Variants in RAMP2 observed in about 807,000 individuals in gnomAD.
RAMP2 encodes receptor activity modifying protein 2, also known as receptor activity-modifying protein 2.
RAMP2 carries 11 observed loss-of-function variants against 18.2 expected under a neutral mutation model. That is an observed-to-expected ratio of 0.60 (90% CI 0.38 to 1.00). The LOEUF (loss-of-function observed/expected upper bound fraction) is 1.00, where lower values mean the gene tolerates loss of function less well. Ranked by LOEUF, RAMP2 falls within the 50% of genes least tolerant of loss-of-function variation. The pLI is 0.01. For missense variants in RAMP2, 191 were observed against 226.5 expected, an observed-to-expected ratio of 0.84 and a Z score of 1.01; for synonymous variants, 86 against 90.8, an observed-to-expected ratio of 0.95 and a Z score of 0.30.
In RAMP2 at chr17:42,762,198, AG is replaced by A. The variant is rs1376984696; in HGVS notation, c.164-156del. ...CATGGAAGTCATTATAGGATTCCTG[AG>A]CTGGGACTCTGTCCTCAGCCAGAAT... is the stretch of plus-strand genomic sequence containing the variant. On this transcript the variant is annotated intron_variant, in intron 2 of 3. Transcript: ENST00000253796. 8.0e-6 allele frequency: 9 copies of A among 1,128,032 alleles called. 1 individual carries two copies. Among genetic ancestry groups the A allele is most frequent in the South Asian group, 2.9e-5 (2 of 70,004 alleles). 69.9% of individuals were successfully genotyped at this position (1,128,032 alleles called of 1,614,324 possible). A position where few individuals can be genotyped will look rare whatever the true frequency, so the allele number is the denominator to read the frequency against.
chr17:42,761,953 A>G lies in RAMP2; in HGVS notation c.163+54A>G, dbSNP rs2054368070. 9 of 1,474,944 alleles carry G rather than the reference A, an allele frequency of 6.1e-6. No homozygotes were observed. The highest frequency in any genetic ancestry group is 5.6e-5 in the African/African-American group (4 of 71,392). 91.4% of individuals were successfully genotyped at this position (1,474,944 alleles called of 1,614,324 possible). A position where few individuals can be genotyped will look rare whatever the true frequency, so the allele number is the denominator to read the frequency against. On this transcript the variant is annotated intron_variant, in intron 2 of 3. Coordinates refer to ENST00000253796, the MANE Select transcript of RAMP2 (RefSeq NM_005854.3). The surrounding 1 kb of genome is among the most constrained non-coding windows in gnomAD (Gnocchi z 4.2). ...CGAGGGTAAGGACGAGAGCAAGTTC[A>G]GTGGGGAGGGTTCCTTTCCCACGAG...
rs2054374225 is a variant in RAMP2, at chr17:42,762,820, T to C, written c.496T>C (p.Trp166Arg). The change falls in exon 4 of 4, where the codon TGG (tryptophan) becomes CGG (arginine). Residue 166 changes from tryptophan to arginine, a missense_variant. Trp to Arg is a moderately radical substitution (Grantham distance 101). Coordinates refer to ENST00000253796, the MANE Select transcript of RAMP2 (RefSeq NM_005854.3). Reference protein sequence around the residue: ...LIPFLITLVVWRSKDSEAQA With the variant: ...LIPFLITLVVRRSKDSEAQA ...CCCCTTCCTCATCACTCTTGTAGTA[T>C]GGAGGAGTAAAGACAGTGAGGCCCA... 1.2e-6 allele frequency: 2 copies of C among 1,612,008 alleles called. No homozygotes were observed. The highest frequency in any genetic ancestry group is 1.7e-6 in the Non-Finnish European group (2 of 1,178,624).
Position 42,762,947 on chromosome 17 carries a change from C to G in RAMP2, c.*95C>G. 7.5e-7 allele frequency: 1 copy of G among 1,337,786 alleles called. No individual in the cohort carries two copies. The highest frequency in any genetic ancestry group is 1.0e-6 in the Non-Finnish European group (1 of 985,918). 82.9% of individuals were successfully genotyped at this position (1,337,786 alleles called of 1,614,324 possible). ...CCTACTCCCTTTTCTCACTCTCATC[C>G]CCACCACAGATCCCTGGATTGCTGG... On this transcript the variant is annotated 3_prime_UTR_variant, in exon 4 of 4. Transcript: ENST00000253796.
Position 42,761,499 on chromosome 17 carries a change from C to T in RAMP2, c.97+141C>T. On this transcript the variant is annotated intron_variant, in intron 1 of 3. Coordinates refer to ENST00000253796, the MANE Select transcript of RAMP2 (RefSeq NM_005854.3). This position sits in a 1 kb window ranked among gnomAD's most constrained non-coding sequence, Gnocchi z 4.2. The stretch of plus-strand genomic sequence containing the variant: ...GGACCGACGTACCTAGCAGCACTGG[C>T]CCTCGGACGGTCCCTGACCCCACCT... The T allele has an allele frequency of 1.3e-6, 1 of 746,198 alleles. No homozygotes were observed. The highest frequency in any genetic ancestry group is 2.0e-6 in the Non-Finnish European group (1 of 493,332). The allele number at this position is 746,198 out of a possible 1,614,324, so 46.2% of individuals were successfully genotyped here.
intron 2 of RAMP2, 33 bp from the exon 3 acceptor site, chr17:42,762,322 G>A (rs1216251180): frequency 1.2e-6 from 2 of 1,613,832 alleles, no homozygotes; most frequent in East Asian, 2.2e-5. Flanking sequence ...GAGGGGTAGG[G>A]GTGTGGTCAT....
At chr17:42,762,247 A>G in intron 2 of RAMP2, 108 bp from the exon 3 acceptor site, 1 of 1,539,772 alleles carries the variant, frequency 6.5e-7, no homozygotes, top group Non-Finnish European at 8.9e-7. Context: ...AAACTTTCTG[A>G]AGGGTTCCCA....
rs751961997 is a variant in RAMP2 at position 42,762,865 on chromosome 17, T to C, written c.*13T>C. On this transcript the variant is annotated 3_prime_UTR_variant, in exon 4 of 4. Coordinates refer to ENST00000253796, the MANE Select transcript of RAMP2 (RefSeq NM_005854.3). ...GGCCCAGGCCTAGGGGGCCACGAGC[T>C]TCTCAACAACCATGTTACTCCACTT... is the stretch of plus-strand genomic sequence containing the variant. The C allele has an allele frequency of 1.9e-5, 30 of 1,569,986 alleles. 1 individual carries two copies. Among genetic ancestry groups the C allele is most frequent in the South Asian group, 1.5e-4 (13 of 85,438 alleles).
In RAMP2 at chr17:42,762,859, A is replaced by T. The variant is rs759612918; in HGVS notation, c.*7A>T. ...CAGTGAGGCCCAGGCCTAGGGGGCCACGAGCTTCTCAACAACCATGTTACT... is the reference window on the plus strand; with the variant it reads ...CAGTGAGGCCCAGGCCTAGGGGGCCTCGAGCTTCTCAACAACCATGTTACT... On this transcript the variant is annotated 3_prime_UTR_variant, in exon 4 of 4. Coordinates refer to ENST00000253796, the MANE Select transcript of RAMP2 (RefSeq NM_005854.3). The T allele has an allele frequency of 6.3e-7, 1 of 1,575,124 alleles. No individual in the cohort carries two copies. Among genetic ancestry groups the T allele is most frequent in the Non-Finnish European group, 8.7e-7 (1 of 1,154,986 alleles).
Position 42,762,783 on chromosome 17 carries a change from C to CA in RAMP2, c.460dup (p.Ile154AsnfsTer16). 1 of 1,613,962 alleles carries CA rather than the reference C, an allele frequency of 6.2e-7. No homozygotes were observed. Among genetic ancestry groups the CA allele is most frequent in the Non-Finnish European group, 8.5e-7 (1 of 1,179,924 alleles). Reference sequence around the variant, plus strand: ...TACTCCTGGCCATGATCATAGCCCCCATCTGCCTCATCCCCTTCCTCATCA... The same window carrying CA: ...TACTCCTGGCCATGATCATAGCCCCCAATCTGCCTCATCCCCTTCCTCATCA... On this transcript the variant is annotated frameshift_variant, in exon 4 of 4. Transcript: ENST00000253796. LOFTEE classifies it high-confidence loss of function.
chr17:42,761,797 C>T lies in RAMP2; in HGVS notation c.98-37C>T, dbSNP rs1316221558. On this transcript the variant is annotated intron_variant, in intron 1 of 3. Transcript: ENST00000253796. This position sits in a 1 kb window ranked among gnomAD's most constrained non-coding sequence, Gnocchi z 4.2. Reference sequence around the variant, plus strand: ...CTCGCAGGCTCCACTGCCGGGGTCCCCGCTATGTTACCCTCCTCTCCCGTT... The same window carrying T: ...CTCGCAGGCTCCACTGCCGGGGTCCTCGCTATGTTACCCTCCTCTCCCGTT... 1 of 1,531,532 alleles carries T rather than the reference C, an allele frequency of 6.5e-7. No individual in the cohort carries two copies. Among genetic ancestry groups the T allele is most frequent in the South Asian group, 1.1e-5 (1 of 89,192 alleles). The allele number at this position is 1,531,532 out of a possible 1,614,324, so 94.9% of individuals were successfully genotyped here.
At chr17:42,762,315 G>A (rs1342567945) in intron 2 of RAMP2, 40 bp from the exon 3 acceptor site, 3 of 1,613,618 alleles carry the variant, frequency 1.9e-6, no homozygotes, top group Non-Finnish European at 2.5e-6. Context: ...TTGTAGGGAG[G>A]GGTAGGGGTG....
At position 42,762,982 on chromosome 17, in the gene RAMP2, C is replaced by A; in HGVS notation, c.*130C>A. On this transcript the variant is annotated 3_prime_UTR_variant, in exon 4 of 4. Transcript: ENST00000253796. ...ATCCCTGGATTGCTGGGAATGGAAG[C>A]CAGGTGGGGTCATGGCACAAGTTCT... 1 of 1,111,928 alleles carries A rather than the reference C, an allele frequency of 9.0e-7. No homozygotes were observed. The highest frequency in any genetic ancestry group is 1.9e-5 in the South Asian group (1 of 53,276). 68.9% of individuals were successfully genotyped at this position (1,111,928 alleles called of 1,614,324 possible). A position where few individuals can be genotyped will look rare whatever the true frequency, so the allele number is the denominator to read the frequency against.
intron 3 of RAMP2, 43 bp from the exon 4 acceptor site, chr17:42,762,554 T>A (rs771763881): frequency 6.2e-7 from 1 of 1,603,466 alleles, no homozygotes; most frequent in Non-Finnish European, 8.5e-7. Context: ...CTCTTCTCCC[T>A]GGGTCCACCC....
Position 42,762,809 on chromosome 17 carries a change from C to T in RAMP2, c.485C>T (p.Thr162Ile). The change falls in exon 4 of 4, where the codon ACT becomes ATT. Residue 162 changes from threonine (T) to isoleucine (I), a missense_variant. Transcript: ENST00000253796. ...APICLIPFLI[T>I]LVVWRSKDSE... ...ATCTGCCTCATCCCCTTCCTCATCA[C>T]TCTTGTAGTATGGAGGAGTAAAGAC... 1.9e-6 allele frequency: 3 copies of T among 1,613,258 alleles called. No individual in the cohort carries two copies. Among genetic ancestry groups the T allele is most frequent in the East Asian group, 4.5e-5 (2 of 44,862 alleles).
Position 42,761,959 on chromosome 17 carries a change from G to A in RAMP2, c.163+60G>A, listed in dbSNP as rs970124334. 4 of 1,452,828 alleles carry A rather than the reference G, an allele frequency of 2.8e-6. No individual in the cohort carries two copies. Among genetic ancestry groups the A allele is most frequent in the African/African-American group, 2.8e-5 (2 of 70,898 alleles). The allele number at this position is 1,452,828 out of a possible 1,614,324, so 90.0% of individuals were successfully genotyped here. ...TAAGGACGAGAGCAAGTTCAGTGGG[G>A]AGGGTTCCTTTCCCACGAGGCCTGC... On this transcript the variant is annotated intron_variant, in intron 2 of 3. Transcript: ENST00000253796. The surrounding 1 kb of genome is among the most constrained non-coding windows in gnomAD (Gnocchi z 4.2).
At position 42,762,592 on chromosome 17, in the gene RAMP2, C is replaced by T; in HGVS notation, c.273-5C>T. On this transcript the variant is annotated splice_region_variant and splice_polypyrimidine_tract_variant and intron_variant, in intron 3 of 3. Transcript: ENST00000253796. ...TCTCTCACTCAAGTCCTCTTCTGCCCCTAGGCCTTATAGCACCCTGCGAGA... is the reference window on the plus strand; with the variant it reads ...TCTCTCACTCAAGTCCTCTTCTGCCTCTAGGCCTTATAGCACCCTGCGAGA... The T allele has an allele frequency of 8.7e-6, 14 of 1,611,192 alleles. No homozygotes were observed. The highest frequency in any genetic ancestry group is 1.2e-5 in the Non-Finnish European group (14 of 1,177,804).
Position 42,762,354 on chromosome 17 carries a change from G to C in RAMP2, c.164-1G>C. The C allele has an allele frequency of 5.0e-6, 8 of 1,614,046 alleles. No homozygotes were observed. Among genetic ancestry groups the C allele is most frequent in the Non-Finnish European group, 5.9e-6 (7 of 1,179,958 alleles). ...TCATTGTGTAGCATCTGTACCTACAGGGGGGACGGTGAAGAACTATGAGAC... is the reference window on the plus strand; with the variant it reads ...TCATTGTGTAGCATCTGTACCTACACGGGGGACGGTGAAGAACTATGAGAC... On this transcript the variant is annotated splice_acceptor_variant, in intron 2 of 3. Coordinates refer to ENST00000253796, the MANE Select transcript of RAMP2 (RefSeq NM_005854.3). LOFTEE classifies it high-confidence loss of function.
chr17:42,761,817 C>A lies in RAMP2; in HGVS notation c.98-17C>A, dbSNP rs1568019746. ...GGTCCCCGCTATGTTACCCTCCTCT[C>A]CCGTTTCTTCCCACAGCTGTCCTGA... On this transcript the variant is annotated splice_polypyrimidine_tract_variant and intron_variant, in intron 1 of 3. Coordinates refer to ENST00000253796, the MANE Select transcript of RAMP2 (RefSeq NM_005854.3). The surrounding 1 kb of genome is among the most constrained non-coding windows in gnomAD (Gnocchi z 4.2). 1 of 1,561,926 alleles carries A rather than the reference C, an allele frequency of 6.4e-7. No homozygotes were observed. Among genetic ancestry groups the A allele is most frequent in the South Asian group, 1.1e-5 (1 of 89,940 alleles).
At position 42,762,614 on chromosome 17, in the gene RAMP2, G is replaced by A. The variant is rs753944631; in HGVS notation, c.290G>A (p.Arg97Gln). The change falls in exon 4 of 4, where the codon CGA (arginine) becomes CAA (glutamine). Residue 97 changes from arginine to glutamine, a missense_variant. Coordinates refer to ENST00000253796, the MANE Select transcript of RAMP2 (RefSeq NM_005854.3). ...GCCCCTAGGCCTTATAGCACCCTGC[G>A]AGATTGCCTGGAGCACTTTGCAGAG... ...AMISRPYSTLRDCLEHFAELF... is the reference protein window; with the variant it reads ...AMISRPYSTLQDCLEHFAELF... The A allele has an allele frequency of 1.6e-5, 26 of 1,613,288 alleles. No individual in the cohort carries two copies. The highest frequency in any genetic ancestry group is 8.3e-5 in the Admixed American group (5 of 59,966).
Sources: allele counts gnomAD v4.1 joint callset, GRCh38; gene constraint gnomAD v4.1.1; non-coding constraint Gnocchi (gnomAD v3.1); transcripts MANE v1.5; gene names NCBI Gene and HGNC (gene_info 2026-07-23, HGNC 2026-07-21).